NCKAP5: variants seen among roughly 807,000 people sequenced by gnomAD.
The protein encoded by NCKAP5 is nck-associated protein 5.
A neutral mutation model predicts 167.0 loss-of-function variants in NCKAP5; 92 were observed. That is an observed-to-expected ratio of 0.55 (90% CI 0.47 to 0.66). NCKAP5 has a LOEUF of 0.66. Ranked by LOEUF, NCKAP5 falls within the 30% of genes least tolerant of loss-of-function variation. The pLI is 0.00. For missense variants in NCKAP5, 2,378 were observed against 2,315.0 expected, an observed-to-expected ratio of 1.03 and a Z score of -0.56; for synonymous variants, 891 against 877.4, an observed-to-expected ratio of 1.02 and a Z score of -0.27.
At chr2:133,634,989 C>A in the NCKAP5 span, among the ~76,000 whole-genome samples, 1 of 152,004 alleles carries the variant, frequency 6.6e-6, no homozygotes, top group African/African-American at 2.4e-5. Context: ...CCTGCCTCAG[C>A]CTCCCAAGTA....
intron 3 of NCKAP5, among the ~76,000 whole-genome samples, chr2:133,484,158 T>G (rs1680702416): frequency 6.6e-6 from 1 of 152,130 alleles, no homozygotes; most frequent in Non-Finnish European, 1.5e-5. Context: ...ACTGTTGCTC[T>G]TCTATCAGAA....
intron 7 of NCKAP5, 101 bp downstream of exon 7, chr2:132,994,049 AAC>A: frequency 1.3e-6 from 1 of 789,968 alleles, no homozygotes; most frequent in Non-Finnish European, 1.9e-6. Flanking sequence ...TGGGGTCTGG[AAC>A]ACACCTTTTA....
At chr2:132,687,941 G>A (rs1573868447) in intron 19 of NCKAP5, among the ~76,000 whole-genome samples, 1 of 152,164 alleles carries the variant, frequency 6.6e-6, no homozygotes. Flanking sequence ...TACTTTATGT[G>A]GTCTGAATGT....
chr2:133,501,890 T>A (rs530580930), intron 3 of NCKAP5, among the ~76,000 whole-genome samples: 1 of 152,344 alleles, frequency 6.6e-6, no homozygotes, highest in African/African-American at 2.4e-5. Context: ...CACAACATCT[T>A]ATCATTTTCT....
chr2:133,141,424 A>ACAACTC (rs1478258204), intron 5 of NCKAP5, among the ~76,000 whole-genome samples: 2 of 151,652 alleles, frequency 1.3e-5, no homozygotes, highest in Non-Finnish European at 2.9e-5. Context: ...AAAAAAAAAC[A>ACAACTC]CAACTCTATT....
intron 2 of NCKAP5, among the ~76,000 whole-genome samples, chr2:133,517,849 A>T (rs1353113318): frequency 6.6e-6 from 1 of 152,192 alleles, no homozygotes; most frequent in African/African-American, 2.4e-5. Context: ...GACTGTAGAA[A>T]AAAGCAAACA....
chr2:133,640,929 C>T, the NCKAP5 span, among the ~76,000 whole-genome samples: 1 of 152,178 alleles, frequency 6.6e-6, no homozygotes, highest in Non-Finnish European at 1.5e-5. Flanking sequence ...ATACTTTTAT[C>T]ATAACACTTT....
chr2:132,994,078 A>C (rs1300627442), intron 7 of NCKAP5, 74 bp downstream of exon 7: 2 of 1,102,816 alleles, frequency 1.8e-6, no homozygotes, highest in Admixed American at 5.3e-5. Flanking sequence ...TCTGGGTTAG[A>C]GAGGACAAAC....
intron 6 of NCKAP5, among the ~76,000 whole-genome samples, chr2:133,090,242 C>T (rs1188232071): frequency 1.3e-5 from 2 of 151,698 alleles, no homozygotes; most frequent in Non-Finnish European, 2.9e-5. Flanking sequence ...AAGTCTAACC[C>T]CAGAACTCTT....
chr2:132,701,973 A>C (rs1208414527), intron 19 of NCKAP5, among the ~76,000 whole-genome samples: 14 of 152,284 alleles, frequency 9.2e-5, no homozygotes, highest in Non-Finnish European at 8.8e-5. Context: ...CACAAGGATG[A>C]CTGTACTTTG....
intron 6 of NCKAP5, among the ~76,000 whole-genome samples, chr2:133,091,411 C>T (rs1163738230): frequency 6.6e-6 from 1 of 152,094 alleles, no homozygotes; most frequent in Non-Finnish European, 1.5e-5. Context: ...TAAAACTAAA[C>T]ATTGACTACA....
At chr2:133,256,996 C>T (rs1162022829) in intron 4 of NCKAP5, among the ~76,000 whole-genome samples, 1 of 152,160 alleles carries the variant, frequency 6.6e-6, no homozygotes, top group Non-Finnish European at 1.5e-5. Context: ...CACACAATCA[C>T]TACTCAAAAG....
chr2:132,841,639 T>C (rs1688303295), intron 11 of NCKAP5, among the ~76,000 whole-genome samples: 1 of 152,056 alleles, frequency 6.6e-6, no homozygotes, highest in Admixed American at 6.5e-5. Context: ...CATTTGCTGT[T>C]TTTTTCTGTT....
the NCKAP5 span, among the ~76,000 whole-genome samples, chr2:133,597,673 C>CA: frequency 0.027 from 1,642 of 60,954 alleles, 65 homozygotes; most frequent in Non-Finnish European, 0.03. Flanking sequence ...GACTCTGTCT[C>CA]AAAAAAAAAA....
chr2:132,915,808 A>C (rs182576478), intron 8 of NCKAP5, among the ~76,000 whole-genome samples: 1 of 152,122 alleles, frequency 6.6e-6, no homozygotes, highest in East Asian at 1.9e-4. Context: ...GGAAAGATGG[A>C]AAAGAGCCAG....
At chr2:133,589,954 C>G in the NCKAP5 span, among the ~76,000 whole-genome samples, 1 of 152,218 alleles carries the variant, frequency 6.6e-6, no homozygotes, top group African/African-American at 2.4e-5. Flanking sequence ...AGTGAGAAGG[C>G]TGTGGACAGA....
intron 6 of NCKAP5, among the ~76,000 whole-genome samples, chr2:133,082,722 G>C (rs528662160): frequency 6.6e-6 from 1 of 152,248 alleles, no homozygotes; most frequent in African/African-American, 2.4e-5. Context: ...CCTGGTGCCA[G>C]GTTTTGGAAG....
At chr2:133,654,016 A>AG in the NCKAP5 span, among the ~76,000 whole-genome samples, 8 of 152,254 alleles carry the variant, frequency 5.3e-5, no homozygotes, top group African/African-American at 1.9e-4. Context: ...AAGGTATTTT[A>AG]GGGGGAGTGA....
At chr2:132,732,717 G>A (rs898543503) in intron 16 of NCKAP5, among the ~76,000 whole-genome samples, 11 of 152,270 alleles carry the variant, frequency 7.2e-5, no homozygotes, top group Non-Finnish European at 8.8e-5. Context: ...CTGAAATAAT[G>A]AGTAATGAGA....
Sources: allele counts gnomAD v4.1 joint callset (sites outside exome capture counted in the v4.1 genomes callset), GRCh38; gene constraint gnomAD v4.1.1; transcripts MANE v1.5; gene names NCBI Gene and HGNC (gene_info 2026-07-23, HGNC 2026-07-21).